GABRB2: variants seen among roughly 807,000 people sequenced by gnomAD.
GABRB2 encodes gamma-aminobutyric acid type A receptor subunit beta2.
In GABRB2, 16 loss-of-function variants were observed where a neutral mutation model predicts 54.7. That is an observed-to-expected ratio of 0.29 (90% CI 0.20 to 0.44). GABRB2 has a LOEUF of 0.44. GABRB2 is among the 20% of genes least tolerant of loss of function. The probability of loss-of-function intolerance (pLI) is 1.00; values close to 1 mark genes in which losing one functional copy is unlikely to be tolerated. For missense variants in GABRB2, 355 were observed against 644.0 expected, an observed-to-expected ratio of 0.55 and a Z score of 4.86; for synonymous variants, 244 against 233.8, an observed-to-expected ratio of 1.04 and a Z score of -0.40.
Position 161,546,562 on chromosome 5 carries a change from C to CT in GABRB2, c.77+4dup, listed in dbSNP as rs773626100. 1.3e-6 allele frequency: 2 copies of CT among 1,594,736 alleles called. No homozygotes were observed. Among genetic ancestry groups the CT allele is most frequent in the Non-Finnish European group, 1.7e-6 (2 of 1,169,354 alleles). ...ACGGAAAAGAGAAACGCTGGGCACA[C>CT]TTACCTCTGCGCACAGACAGCGGCG... is the stretch of plus-strand genomic sequence containing the variant. On this transcript the variant is annotated splice_donor_region_variant and intron_variant, in intron 1 of 9. Coordinates refer to ENST00000393959, the MANE Select transcript of GABRB2 (RefSeq NM_001371727.1).
intron 9 of GABRB2, among the ~76,000 whole-genome samples, chr5:161,300,637 A>G (rs979663001): frequency 2.0e-5 from 3 of 152,308 alleles, no homozygotes; most frequent in Non-Finnish European, 4.4e-5. Flanking sequence ...CCACACTTGA[A>G]TGCATATCAG....
intron 4 of GABRB2, among the ~76,000 whole-genome samples, chr5:161,430,493 C>G (rs931702244): frequency 6.6e-6 from 1 of 152,034 alleles, no homozygotes; most frequent in Non-Finnish European, 1.5e-5. Flanking sequence ...GGGACAAACA[C>G]CAGAGTTGAC....
At chr5:161,360,708 G>A (rs1754783970) in intron 5 of GABRB2, among the ~76,000 whole-genome samples, 1 of 152,112 alleles carries the variant, frequency 6.6e-6, no homozygotes, top group Non-Finnish European at 1.5e-5. Flanking sequence ...TAAATGAATT[G>A]AGGCTGCTAA....
At chr5:161,508,892 C>T (rs1183775328) in intron 3 of GABRB2, among the ~76,000 whole-genome samples, 1 of 152,002 alleles carries the variant, frequency 6.6e-6, no homozygotes, top group African/African-American at 2.4e-5. Flanking sequence ...TATAAACACA[C>T]AGCATGAAAA....
chr5:161,443,211 C>T (rs966509404), intron 4 of GABRB2, among the ~76,000 whole-genome samples: 1 of 152,198 alleles, frequency 6.6e-6, no homozygotes, highest in Non-Finnish European at 1.5e-5. Flanking sequence ...ACACTCTGTT[C>T]TATCCATGCC....
chr5:161,525,656 A>T (rs1013259744), intron 3 of GABRB2, among the ~76,000 whole-genome samples: 1 of 151,308 alleles, frequency 6.6e-6, no homozygotes, highest in Non-Finnish European at 1.5e-5. Flanking sequence ...GCATAATAGC[A>T]TGGGATACCA....
chr5:161,539,582 T>C (rs1453136594), intron 3 of GABRB2, among the ~76,000 whole-genome samples: 1 of 152,300 alleles, frequency 6.6e-6, no homozygotes, highest in Non-Finnish European at 1.5e-5. Context: ...TAAAACATGG[T>C]AAAACTGAGA....
At chr5:161,333,311 A>C (rs1395507009) in intron 7 of GABRB2, among the ~76,000 whole-genome samples, 2 of 152,186 alleles carry the variant, frequency 1.3e-5, no homozygotes, top group African/African-American at 2.4e-5. Context: ...CCTTTCCTCC[A>C]TGGATCTTTC....
At chr5:161,343,255 T>A (rs1441871263) in intron 5 of GABRB2, among the ~76,000 whole-genome samples, 2 of 151,962 alleles carry the variant, frequency 1.3e-5, no homozygotes, top group Non-Finnish European at 2.9e-5. Context: ...AGACCTCAAG[T>A]AGCTCAAAAT....
intron 5 of GABRB2, among the ~76,000 whole-genome samples, chr5:161,399,963 G>A (rs1048598486): frequency 1.3e-5 from 2 of 152,146 alleles, no homozygotes; most frequent in African/African-American, 4.8e-5. Flanking sequence ...TGGAGCTGGC[G>A]GCAGTGGAGG....
At chr5:161,448,997 G>C (rs188629894) in intron 4 of GABRB2, among the ~76,000 whole-genome samples, 1 of 152,250 alleles carries the variant, frequency 6.6e-6, no homozygotes, top group Admixed American at 6.5e-5. Flanking sequence ...TCTCTCCAGA[G>C]GGGAATCTCT....
chr5:161,518,625 A>T (rs1760023577), intron 3 of GABRB2, among the ~76,000 whole-genome samples: 1 of 152,240 alleles, frequency 6.6e-6, no homozygotes, highest in Non-Finnish European at 1.5e-5. Context: ...TATTGAGAGC[A>T]CAACATTCAT....
chr5:161,523,533 G>T (rs1007584310), intron 3 of GABRB2, among the ~76,000 whole-genome samples: 1 of 151,118 alleles, frequency 6.6e-6, no homozygotes, highest in African/African-American at 2.4e-5. Flanking sequence ...AACAATTTCA[G>T]ATGTAAGAAA....
intron 5 of GABRB2, among the ~76,000 whole-genome samples, chr5:161,342,421 T>C (rs1385427986): frequency 6.6e-6 from 1 of 152,082 alleles, no homozygotes; most frequent in Non-Finnish European, 1.5e-5. Context: ...AACACTAATC[T>C]GTAATGTGTT....
At chr5:161,354,549 A>T (rs977102794) in intron 5 of GABRB2, among the ~76,000 whole-genome samples, 3 of 152,032 alleles carry the variant, frequency 2.0e-5, no homozygotes, top group Non-Finnish European at 4.4e-5. Flanking sequence ...ATCACAGACC[A>T]TGACTACATC....
At chr5:161,462,561 C>T (rs181325008) in intron 3 of GABRB2, among the ~76,000 whole-genome samples, 5 of 152,150 alleles carry the variant, frequency 3.3e-5, no homozygotes, top group Admixed American at 3.3e-4. Context: ...GAAATAATAC[C>T]GTTTGGAAGG....
intron 3 of GABRB2, among the ~76,000 whole-genome samples, chr5:161,493,931 T>A (rs754985915): frequency 6.6e-5 from 10 of 151,826 alleles, no homozygotes; most frequent in Non-Finnish European, 1.3e-4. Flanking sequence ...TCTTACTTGA[T>A]GTGAAGTAAT....
At chr5:161,521,609 C>T (rs939340319) in intron 3 of GABRB2, among the ~76,000 whole-genome samples, 8 of 151,870 alleles carry the variant, frequency 5.3e-5, no homozygotes, top group African/African-American at 1.9e-4. Flanking sequence ...CAAAATCAAA[C>T]GAAGTGGATC....
intron 3 of GABRB2, among the ~76,000 whole-genome samples, chr5:161,516,757 C>T (rs911159438): frequency 1.3e-5 from 2 of 152,052 alleles, no homozygotes; most frequent in Non-Finnish European, 2.9e-5. Flanking sequence ...TTATTTTGTC[C>T]AGAAATTGTT....
Sources: gnomAD v4.1 joint callset for allele counts (sites outside exome capture counted in the v4.1 genomes callset) on GRCh38, gnomAD v4.1.1 for gene constraint, MANE v1.5 for transcripts, NCBI Gene and HGNC (gene_info 2026-07-23, HGNC 2026-07-21) for gene names.